AP4S1: variants seen among roughly 807,000 people sequenced by gnomAD.
The protein encoded by AP4S1 is adaptor related protein complex 4 subunit sigma 1.
Under a neutral mutation model 19.8 loss-of-function variants are expected in AP4S1, and 23 were observed. That is an observed-to-expected ratio of 1.16 (90% confidence interval 0.84 to 1.65). AP4S1 has a LOEUF of 1.65. Among genes scored for constraint, AP4S1 ranks in the 40% most tolerant of loss-of-function variants. The probability of loss-of-function intolerance (pLI) is 0.00; values close to 1 mark genes in which losing one functional copy is unlikely to be tolerated. For synonymous variants in AP4S1, 46 were observed against 54.1 expected (o/e 0.85, Z 0.66); for missense variants, 166 against 172.8 (o/e 0.96, Z 0.22).
intron 1 of AP4S1, among the ~76,000 whole-genome samples, chr14:31,040,433 T>C (rs1025679140): frequency 1.3e-5 from 2 of 152,172 alleles, no homozygotes; most frequent in Non-Finnish European, 2.9e-5. Flanking sequence ...ATAGGAAACA[T>C]AGGTAAATTA....
intron 1 of AP4S1, among the ~76,000 whole-genome samples, chr14:31,046,304 T>C (rs867657119): frequency 4.6e-5 from 7 of 152,152 alleles, no homozygotes; most frequent in African/African-American, 1.7e-4. Flanking sequence ...TTTCTTCTCC[T>C]GATCCTGGTA....
At chr14:31,071,935 G>A (rs1887033658) in intron 3 of AP4S1, among the ~76,000 whole-genome samples, 1 of 149,714 alleles carries the variant, frequency 6.7e-6, no homozygotes, top group South Asian at 2.1e-4. Context: ...TTTTTTGGGG[G>A]GGTGGGGATG....
intron 5 of AP4S1, among the ~76,000 whole-genome samples, chr14:31,086,885 G>GTCT (rs1301830574): frequency 6.6e-6 from 1 of 151,494 alleles, no homozygotes; most frequent in Non-Finnish European, 1.5e-5. Flanking sequence ...TACAGTCAGG[G>GTCT]TCTTGCTCTG....
At chr14:31,049,474 T>TCACACAC (rs1313078783) in intron 1 of AP4S1, among the ~76,000 whole-genome samples, 52 of 57,164 alleles carry the variant, frequency 9.1e-4, no homozygotes, top group East Asian at 3.4e-3. Flanking sequence ...TATATATATG[T>TCACACAC]ACACACACAC....
chr14:31,033,300 G>A (rs1001427507), intron 1 of AP4S1, among the ~76,000 whole-genome samples: 1 of 151,740 alleles, frequency 6.6e-6, no homozygotes. Flanking sequence ...TGCAACCTCT[G>A]CCTCCCGTGT....
At chr14:31,069,814 G>C (rs1323352606) in intron 2 of AP4S1, 29 bp from the exon 3 acceptor site, 11 of 1,531,146 alleles carry the variant, frequency 7.2e-6, no homozygotes, top group Non-Finnish European at 1.0e-5. Flanking sequence ...TCAGCCACAG[G>C]AATTAATATC....
intron 1 of AP4S1, among the ~76,000 whole-genome samples, chr14:31,053,087 C>A (rs1052764960): frequency 2.0e-5 from 3 of 151,748 alleles, no homozygotes; most frequent in African/African-American, 7.3e-5. Flanking sequence ...ATTATAGGCA[C>A]CCACCACCAT....
chr14:31,042,226 A>AT (rs1453468470), intron 1 of AP4S1, among the ~76,000 whole-genome samples: 1 of 152,222 alleles, frequency 6.6e-6, no homozygotes, highest in Non-Finnish European at 1.5e-5. Flanking sequence ...ATTTTGAAAG[A>AT]TATTGTTGTC....
chr14:31,071,142 C>T (rs1234897262), intron 3 of AP4S1, among the ~76,000 whole-genome samples: 1 of 152,138 alleles, frequency 6.6e-6, no homozygotes, highest in South Asian at 2.1e-4. Flanking sequence ...TTTAGTTCAC[C>T]CCTTCACAAA....
intron 1 of AP4S1, among the ~76,000 whole-genome samples, chr14:31,049,428 A>AATATATATATATAT (rs1182207910): frequency 2.9e-4 from 17 of 57,726 alleles, no homozygotes; most frequent in Admixed American, 5.5e-4. Flanking sequence ...AAAAAAAAAA[A>AATATATATATATAT]ATATATATAT....
intron 1 of AP4S1, among the ~76,000 whole-genome samples, chr14:31,033,605 G>A (rs1180729384): frequency 1.3e-5 from 2 of 152,178 alleles, no homozygotes; most frequent in Non-Finnish European, 2.9e-5. Context: ...AGAAACCAAA[G>A]GAGCAAAATG....
At position 31,095,668 on chromosome 14, in the gene AP4S1, C is replaced by G. The variant is rs150833264; in HGVS notation, c.*2633C>G. 1 of 152,246 alleles carries G rather than the reference C, an allele frequency of 6.6e-6. No homozygotes were observed. Among genetic ancestry groups the G allele is most frequent in the Non-Finnish European group, 1.5e-5 (1 of 68,072 alleles). 9.4% of individuals were successfully genotyped at this position (152,246 alleles called of 1,614,324 possible). A position where few individuals can be genotyped will look rare whatever the true frequency, so the allele number is the denominator to read the frequency against. On this transcript the variant is annotated 3_prime_UTR_variant, in exon 6 of 6. Transcript: ENST00000542754. ...TCCTGCAGTCACATGATCCATCTGC[C>G]TTCGCCTTCCAAAGTGTTGGGATTA... is the stretch of plus-strand genomic sequence containing the variant.
chr14:31,078,223 T>C (rs1887469796), intron 4 of AP4S1, among the ~76,000 whole-genome samples: 1 of 152,174 alleles, frequency 6.6e-6, no homozygotes, highest in Admixed American at 6.6e-5. Context: ...ATCTCTGTGT[T>C]GATTGCTTGG....
chr14:31,052,672 G>T (rs1224469530), intron 1 of AP4S1, among the ~76,000 whole-genome samples: 1 of 148,174 alleles, frequency 6.7e-6, no homozygotes, highest in Non-Finnish European at 1.5e-5. Flanking sequence ...AGGTTACACT[G>T]AGCCAAAATT....
chr14:31,070,143 T>C (rs1886924045), intron 3 of AP4S1, among the ~76,000 whole-genome samples: 1 of 151,720 alleles, frequency 6.6e-6, no homozygotes, highest in Non-Finnish European at 1.5e-5. Flanking sequence ...TACAGGCATG[T>C]GCCACCACAC....
rs943408348 is a variant in AP4S1 at position 31,051,815 on chromosome 14, C to T, written c.-71-14311C>T. ...AGCTGGGATCACAGGCATGCACTACCACACCTGGCTAATTTTTGTATTTTT... is the reference window on the plus strand; with the variant it reads ...AGCTGGGATCACAGGCATGCACTACTACACCTGGCTAATTTTTGTATTTTT... On this transcript the variant is annotated intron_variant, in intron 1 of 5. Transcript: ENST00000542754. Among the ~76,000 whole-genome samples the T allele has an allele frequency of 3.3e-5, 5 of 152,252 alleles. No individual in the cohort carries two copies. In the South Asian group the frequency reaches 8.3e-4, roughly 25 times the overall value.
chr14:31,032,105 G>A (rs762284686), intron 1 of AP4S1, among the ~76,000 whole-genome samples: 75 of 151,828 alleles, frequency 4.9e-4, no homozygotes, highest in Non-Finnish European at 9.9e-4. Context: ...AAAAGAGCTG[G>A]GCGCGGTGGC....
chr14:31,075,289 C>T (rs976401450), intron 4 of AP4S1, among the ~76,000 whole-genome samples: 3 of 152,062 alleles, frequency 2.0e-5, no homozygotes, highest in Non-Finnish European at 4.4e-5. Flanking sequence ...ATTTGTCTTT[C>T]GGTGCCTGGC....
Position 31,093,929 on chromosome 14 carries a change from C to G in AP4S1, c.*894C>G, listed in dbSNP as rs1401310076. On this transcript the variant is annotated 3_prime_UTR_variant, in exon 6 of 6. Coordinates refer to ENST00000542754, the MANE Select transcript of AP4S1 (RefSeq NM_001128126.3). ...CTGGGTTTAAGCAATTCTCCTGCCT[C>G]AGCCTCCTGAGTAGCTGCGACTACA... 6.6e-6 allele frequency: 1 copy of G among 152,552 alleles called. No homozygotes were observed. The highest frequency in any genetic ancestry group is 2.4e-5 in the African/African-American group (1 of 41,452). 9.4% of individuals were successfully genotyped at this position (152,552 alleles called of 1,614,324 possible).
Sources: allele counts gnomAD v4.1 joint callset (sites outside exome capture counted in the v4.1 genomes callset), GRCh38; gene constraint gnomAD v4.1.1; transcripts MANE v1.5; gene names NCBI Gene and HGNC (gene_info 2026-07-23, HGNC 2026-07-21).